The following ZNF605 variants were observed in gnomAD, a reference collection of about 807,000 sequenced individuals.
The protein encoded by ZNF605 is zinc finger protein 605.
Under a neutral mutation model 7.9 loss-of-function variants are expected in ZNF605, and 9 were observed. The observed-to-expected ratio is 1.14, with a 90% CI of 0.68 to 1.98. ZNF605 has a LOEUF of 1.98. Among genes scored for constraint, ZNF605 ranks in the 30% most tolerant of loss-of-function variants. ZNF605 has a pLI of 0.00. For synonymous variants in ZNF605, 255 were observed against 260.1 expected, an observed-to-expected ratio of 0.98 and a Z score of 0.19; for missense variants, 673 against 762.4, an observed-to-expected ratio of 0.88 and a Z score of 1.38.
rs1468683726 is a variant in ZNF605 at position 132,925,470 on chromosome 12, A to G, written c.1829T>C (p.Ile610Thr). ...RKSHLMRHQR[I>T]HTGDKYYGCN... ...TCCATAGTATTTATCTCCTGTATGA[A>G]TCCTCTGATGCCTCATAAGGTGTGA... Residue 610 changes from isoleucine to threonine, a missense_variant, in exon 5 of 5, where the codon ATT (isoleucine) becomes ACT (threonine). By Grantham distance (89) the Ile-to-Thr change is moderately conservative. Coordinates refer to ENST00000360187, the MANE Select transcript of ZNF605 (RefSeq NM_183238.4). 1 of 1,614,146 alleles carries G rather than the reference A, an allele frequency of 6.2e-7. No homozygotes were observed. The highest frequency in any genetic ancestry group is 1.3e-5 in the African/African-American group (1 of 75,044).
chr12:132,945,303 T>C (rs1419731525), intron 3 of ZNF605: 6 of 932,046 alleles, frequency 6.4e-6, no homozygotes, highest in Admixed American at 5.5e-5. Context: ...TTGTGCTTCT[T>C]TGGACATCTT....
chr12:132,951,349 G>A (rs1394830717), intron 1 of ZNF605, among the ~76,000 whole-genome samples: 5 of 144,764 alleles, frequency 3.5e-5, no homozygotes, highest in African/African-American at 7.7e-5. Flanking sequence ...ACACAGACAC[G>A]TACACACAGA....
At chr12:132,952,938 A>G (rs975545729) in intron 1 of ZNF605, among the ~76,000 whole-genome samples, 1 of 151,898 alleles carries the variant, frequency 6.6e-6, no homozygotes, top group Non-Finnish European at 1.5e-5. Flanking sequence ...TCCCCGGATT[A>G]CCAAGTCCCA....
rs942929742 is a variant in ZNF605 at position 132,941,710 on chromosome 12, G to A, written c.15+3911C>T. ...CTCAGGCCTCACGCAGCCGTTCCCC[G>A]CAGGGCACTTCCCACGGGTACCTCC... On this transcript the variant is annotated intron_variant, in intron 3 of 4. Coordinates refer to ENST00000360187, the MANE Select transcript of ZNF605 (RefSeq NM_183238.4). This position sits in a 1 kb window ranked among gnomAD's most constrained non-coding sequence, Gnocchi z 5.1. Among the ~76,000 whole-genome samples the A allele has an allele frequency of 1.3e-5, 2 of 152,190 alleles. No individual in the cohort carries two copies. The highest frequency in any genetic ancestry group is 2.4e-5 in the African/African-American group (1 of 41,462).
At chr12:132,931,146 C>T (rs1400013157) in intron 4 of ZNF605, among the ~76,000 whole-genome samples, 1 of 151,986 alleles carries the variant, frequency 6.6e-6, no homozygotes, top group Admixed American at 6.5e-5. Context: ...CGCCACTGTA[C>T]TCCAACCTGC....
At chr12:132,936,988 G>A (rs1386460872) in intron 3 of ZNF605, among the ~76,000 whole-genome samples, 1 of 152,128 alleles carries the variant, frequency 6.6e-6, no homozygotes, top group African/African-American at 2.4e-5. Flanking sequence ...TCATATCCAG[G>A]ATATAAAGAA....
intron 3 of ZNF605, among the ~76,000 whole-genome samples, chr12:132,937,537 CCCT>C (rs1304873120): frequency 8.6e-5 from 13 of 151,244 alleles, no homozygotes; most frequent in African/African-American, 3.2e-4. Context: ...ACACACACAC[CCCT>C]GACAAATATC....
At chr12:132,948,053 C>A (rs1952512462) in intron 2 of ZNF605, 95 bp downstream of exon 2, 1 of 152,122 alleles carries the variant, frequency 6.6e-6, no homozygotes, top group Admixed American at 6.6e-5. Context: ...ACAAAAGATA[C>A]CATCTTAGGC....
At chr12:132,947,423 C>T (rs2137158473) in intron 2 of ZNF605, among the ~76,000 whole-genome samples, 1 of 152,174 alleles carries the variant, frequency 6.6e-6, no homozygotes, top group East Asian at 1.9e-4. Context: ...GTGAATTCTC[C>T]CACAACAGCC....
chr12:132,936,409 T>C (rs199629883), intron 3 of ZNF605, among the ~76,000 whole-genome samples: 6,443 of 152,238 alleles, frequency 0.042, 180 homozygotes, highest in East Asian at 0.081. Context: ...CCCAGCTACA[T>C]GCTGCCTACG....
chr12:132,936,044 G>C (rs1952362759), intron 3 of ZNF605, among the ~76,000 whole-genome samples: 1 of 151,732 alleles, frequency 6.6e-6, no homozygotes, highest in Non-Finnish European at 1.5e-5. Context: ...CTGGGCGACA[G>C]AGCAAGACTC....
rs911166520 is a variant in ZNF605, at chr12:132,930,998, T to C, written c.136+2037A>G. On this transcript the variant is annotated intron_variant, in intron 4 of 4. Transcript: ENST00000360187. ...GAGTTTGAGACCAGCCTGGGCAACA[T>C]AGTGAGATCCTGTCTCTCCAGAAAA... is the stretch of plus-strand genomic sequence containing the variant. Among the ~76,000 whole-genome samples the C allele has an allele frequency of 4.6e-5, 7 of 152,100 alleles. No homozygotes were observed. In the East Asian group the frequency reaches 5.8e-4, roughly 13 times the overall value.
chr12:132,948,413 G>A (rs1952517914), intron 1 of ZNF605, 143 bp from the exon 2 acceptor site: 1 of 152,268 alleles, frequency 6.6e-6, no homozygotes, highest in Non-Finnish European at 1.5e-5. Context: ...ACGTGGCCTA[G>A]GAATGGTTGT....
chr12:132,956,043 C>CCCCGCCTGAGGCCCGCCTGAGG (rs55838070), intron 1 of ZNF605, among the ~76,000 whole-genome samples, 200 bp downstream of exon 1: 2 of 149,478 alleles, frequency 1.3e-5, no homozygotes, highest in Middle Eastern at 3.5e-3. Flanking sequence ...CCCCCAGAGC[C>CCCCGCCTGAGGCCCGCCTGAGG]CCCGCCTGAG....
Position 132,927,085 on chromosome 12 carries a change from AT to A in ZNF605, c.213del (p.Lys71AsnfsTer13). 6 of 1,600,056 alleles carry A rather than the reference AT, an allele frequency of 3.7e-6. No homozygotes were observed. The highest frequency in any genetic ancestry group is 5.1e-6 in the Non-Finnish European group (6 of 1,179,572). On this transcript the variant is annotated frameshift_variant, in exon 5 of 5. Coordinates refer to ENST00000360187, the MANE Select transcript of ZNF605 (RefSeq NM_183238.4). LOFTEE classifies it low-confidence loss of function (END_TRUNC). ...TTAAATATTTTTCCAAAAACATCAT[AT>A]TTATGGCCTCTCTCCATACTTTTAA... is the stretch of plus-strand genomic sequence containing the variant. ...DNLKSMERGH[K>X]YDVFGKIFNS...
intron 3 of ZNF605, among the ~76,000 whole-genome samples, chr12:132,939,683 G>C (rs1271070293): frequency 6.6e-6 from 1 of 152,182 alleles, no homozygotes; most frequent in Non-Finnish European, 1.5e-5. Flanking sequence ...AATAAAAGCA[G>C]GCTGCCCGAG....
chr12:132,923,816 G>A lies in ZNF605; in HGVS notation c.*1557C>T, dbSNP rs929201066. The A allele has an allele frequency of 6.6e-6, 1 of 152,060 alleles. No homozygotes were observed. The highest frequency in any genetic ancestry group is 2.4e-5 in the African/African-American group (1 of 41,400). The allele number at this position is 152,060 out of a possible 1,614,324, so 9.4% of individuals were successfully genotyped here. ...TTTCTCCTCTCCTTCTGGGACTCCA[G>A]TTAAACATATATTACACTACTGTAA... On this transcript the variant is annotated 3_prime_UTR_variant, in exon 5 of 5. Coordinates refer to ENST00000360187, the MANE Select transcript of ZNF605 (RefSeq NM_183238.4).
Position 132,943,731 on chromosome 12 carries a change from T to G in ZNF605, c.15+1890A>C, listed in dbSNP as rs369746296. ...CAAAAAAATTGCTGGAGTTTTTTGT[T>G]CAGGGCTCCCTCGGCTGAGGGCAAA... On this transcript the variant is annotated intron_variant, in intron 3 of 4. Coordinates refer to ENST00000360187, the MANE Select transcript of ZNF605 (RefSeq NM_183238.4). Among the ~76,000 whole-genome samples the G allele has an allele frequency of 2.3e-4, 35 of 151,972 alleles. 3 individuals are homozygous for G. Among genetic ancestry groups the G allele is most frequent in the Admixed American group, 2.2e-3 (33 of 15,258 alleles).
intron 3 of ZNF605, among the ~76,000 whole-genome samples, chr12:132,937,531 A>G (rs989362417): frequency 6.6e-6 from 1 of 152,100 alleles, no homozygotes; most frequent in South Asian, 2.1e-4. Context: ...ACACACACAC[A>G]CACACCCCTG....
Sources: allele counts gnomAD v4.1 joint callset (sites outside exome capture counted in the v4.1 genomes callset), GRCh38; gene constraint gnomAD v4.1.1; non-coding constraint Gnocchi (gnomAD v3.1); transcripts MANE v1.5; gene names NCBI Gene and HGNC (gene_info 2026-07-23, HGNC 2026-07-21).